Variants in PRKD1 observed in about 807,000 individuals in gnomAD.
PRKD1 encodes serine/threonine-protein kinase D1.
In PRKD1, 63 loss-of-function variants were observed where a neutral mutation model predicts 95.9. The observed-to-expected ratio is 0.66, with a 90% confidence interval of 0.54 to 0.81. The LOEUF (loss-of-function observed/expected upper bound fraction) is 0.81, where lower values mean the gene tolerates loss of function less well. PRKD1 is among the 30% of genes least tolerant of loss of function. PRKD1 has a pLI of 0.00. For synonymous variants in PRKD1, 425 were observed against 423.1 expected (o/e 1.00, Z -0.05); for missense variants, 1,048 against 1,165.3 (o/e 0.90, Z 1.47).
chr14:29,774,583 G>A (rs1369269681), intron 1 of PRKD1, among the ~76,000 whole-genome samples: 2 of 152,134 alleles, frequency 1.3e-5, no homozygotes, highest in Non-Finnish European at 2.9e-5. Flanking sequence ...GCAATTTGCT[G>A]GAATACAGAG....
chr14:29,816,486 GAA>G (rs1197283416), intron 1 of PRKD1, among the ~76,000 whole-genome samples: 1 of 152,098 alleles, frequency 6.6e-6, no homozygotes, highest in African/African-American at 2.4e-5. Context: ...ACAGTTAAGA[GAA>G]AAAACGTTAC....
intron 1 of PRKD1, among the ~76,000 whole-genome samples, chr14:29,921,907 A>G (rs1205963816): frequency 6.6e-6 from 1 of 152,020 alleles, no homozygotes; most frequent in African/African-American, 2.4e-5. Flanking sequence ...CAATCATCCA[A>G]CTCTTCCCAG....
Position 29,804,235 on chromosome 14 carries a change from T to TA in PRKD1, c.265-78562dup, listed in dbSNP as rs34903080. On this transcript the variant is annotated intron_variant, in intron 1 of 17. Transcript: ENST00000331968. ...CCAGTATGGGCAACAAGAACGAAAC[T>TA]AAAAAAAAAAAAAAAAATGTATGCA... Among the ~76,000 whole-genome samples the TA allele has an allele frequency of 4.2e-3, 511 of 120,298 alleles. 8 individuals carry two copies. The highest frequency in any genetic ancestry group is 0.014 in the Middle Eastern group (3 of 218). The allele number at this position is 120,298 out of a possible 152,430, so 78.9% of individuals were successfully genotyped here. A position where few individuals can be genotyped will look rare whatever the true frequency, so the allele number is the denominator to read the frequency against.
intron 1 of PRKD1, among the ~76,000 whole-genome samples, chr14:29,856,802 C>T (rs768380249): frequency 7.2e-5 from 11 of 152,172 alleles, no homozygotes; most frequent in African/African-American, 2.7e-4. Context: ...AGTAAAATCA[C>T]TCCACTGGAA....
intron 1 of PRKD1, among the ~76,000 whole-genome samples, chr14:29,739,609 A>T (rs1468325247): frequency 6.6e-6 from 1 of 152,220 alleles, no homozygotes; most frequent in Non-Finnish European, 1.5e-5. Flanking sequence ...GATTTTGGCT[A>T]TGAGATTCTA....
intron 1 of PRKD1, among the ~76,000 whole-genome samples, chr14:29,839,955 C>T (rs1260804241): frequency 1.3e-5 from 2 of 152,112 alleles, no homozygotes; most frequent in Admixed American, 6.5e-5. Context: ...GATGGGAGGG[C>T]TGCCATGAAG....
chr14:29,725,416 T>A, intron 2 of PRKD1, 120 bp downstream of exon 2: 1 of 1,225,790 alleles, frequency 8.2e-7, no homozygotes, highest in Non-Finnish European at 1.1e-6. Context: ...AGCTCCAACA[T>A]CTTCTCTTGG....
In PRKD1 at chr14:29,597,776, T is replaced by C. The variant is rs372150846; in HGVS notation, c.2167-18A>G. Reference sequence around the variant, plus strand: ...AGTTTCACCTGTTGATGAAAGGATTTGCAGAAATACTCCGTTCACAATTGT... The same window carrying C: ...AGTTTCACCTGTTGATGAAAGGATTCGCAGAAATACTCCGTTCACAATTGT... On this transcript the variant is annotated intron_variant, in intron 15 of 17. Coordinates refer to ENST00000331968, the MANE Select transcript of PRKD1 (RefSeq NM_002742.3). 6.2e-6 allele frequency: 10 copies of C among 1,601,262 alleles called. No homozygotes were observed. The African/African-American group carries it at 1.3e-4, about 21-fold the overall frequency.
At chr14:29,913,942 A>G (rs1371075321) in intron 1 of PRKD1, among the ~76,000 whole-genome samples, 1 of 152,230 alleles carries the variant, frequency 6.6e-6, no homozygotes, top group Admixed American at 6.5e-5. Flanking sequence ...AACTCGTGAA[A>G]AGAGAAGTCT....
At chr14:29,761,630 TAC>T (rs1887988585) in intron 1 of PRKD1, among the ~76,000 whole-genome samples, 1 of 152,206 alleles carries the variant, frequency 6.6e-6, no homozygotes, top group Non-Finnish European at 1.5e-5. Context: ...TTATCACTGA[TAC>T]ACTTATGTTA....
At chr14:29,897,976 A>G (rs929276747) in intron 1 of PRKD1, among the ~76,000 whole-genome samples, 2 of 152,108 alleles carry the variant, frequency 1.3e-5, no homozygotes, top group African/African-American at 4.8e-5. Context: ...AGAAAATGTT[A>G]TATATTATCC....
chr14:29,841,686 T>A (rs893245085), intron 1 of PRKD1, among the ~76,000 whole-genome samples: 7 of 152,194 alleles, frequency 4.6e-5, no homozygotes. Context: ...CTCGGGTATG[T>A]CTTTATCAGC....
chr14:29,747,132 A>G (rs1887261414), intron 1 of PRKD1, among the ~76,000 whole-genome samples: 1 of 152,202 alleles, frequency 6.6e-6, no homozygotes, highest in African/African-American at 2.4e-5. Context: ...CAATTACCCA[A>G]ATGTGATAAG....
intron 13 of PRKD1, among the ~76,000 whole-genome samples, chr14:29,618,837 G>A (rs1193883035): frequency 6.6e-6 from 1 of 150,698 alleles, no homozygotes; most frequent in East Asian, 1.9e-4. Flanking sequence ...ACACAACTTT[G>A]AAGTCTTCTA....
At chr14:29,686,426 C>T (rs1248344356) in intron 2 of PRKD1, among the ~76,000 whole-genome samples, 2 of 152,166 alleles carry the variant, frequency 1.3e-5, no homozygotes, top group African/African-American at 4.8e-5. Context: ...GACAACTGTG[C>T]TTCTTTAGCT....
At chr14:29,726,787 TA>T (rs796753846) in intron 1 of PRKD1, among the ~76,000 whole-genome samples, 2,790 of 141,220 alleles carry the variant, frequency 0.02, 68 homozygotes, top group African/African-American at 0.053. Flanking sequence ...TTAACTTCCT[TA>T]AAAAAAAAAA....
intron 1 of PRKD1, among the ~76,000 whole-genome samples, chr14:29,779,693 G>A (rs558547395): frequency 1.3e-4 from 20 of 152,224 alleles, no homozygotes; most frequent in African/African-American, 1.9e-4. Context: ...AATCAACATC[G>A]TGAAAATGGC....
intron 11 of PRKD1, among the ~76,000 whole-genome samples, chr14:29,628,008 C>T (rs971484830): frequency 6.6e-6 from 1 of 152,188 alleles, no homozygotes; most frequent in Non-Finnish European, 1.5e-5. Context: ...AATTCCACAG[C>T]TATCAGGAAT....
At chr14:29,722,536 A>C (rs372720801) in intron 2 of PRKD1, among the ~76,000 whole-genome samples, 1 of 152,356 alleles carries the variant, frequency 6.6e-6, no homozygotes, top group East Asian at 1.9e-4. Flanking sequence ...ATATTTTTAC[A>C]AAATGGTATA....
Sources: gnomAD v4.1 joint callset for allele counts (sites outside exome capture counted in the v4.1 genomes callset) on GRCh38, gnomAD v4.1.1 for gene constraint, MANE v1.5 for transcripts, NCBI Gene and HGNC (gene_info 2026-07-23, HGNC 2026-07-21) for gene names.